The following IFFO2 variants were observed in gnomAD, a reference collection of about 807,000 sequenced individuals.
The protein encoded by IFFO2 is intermediate filament family orphan 2.
IFFO2 carries 19 observed loss-of-function variants against 53.5 expected under a neutral mutation model. The observed-to-expected ratio is 0.36, with a 90% CI of 0.25 to 0.52. IFFO2 has a LOEUF of 0.52. Ranked by LOEUF, IFFO2 falls within the 20% of genes least tolerant of loss-of-function variation. The probability of loss-of-function intolerance (pLI) is 0.94; values close to 1 mark genes in which losing one functional copy is unlikely to be tolerated. For synonymous variants in IFFO2, 303 were observed against 313.6 expected (o/e 0.97, Z 0.36); for missense variants, 570 against 727.4 (o/e 0.78, Z 2.49).
intron 1 of IFFO2, among the ~76,000 whole-genome samples, chr1:18,929,523 G>C (rs1050054881): frequency 6.6e-6 from 1 of 152,150 alleles, no homozygotes; most frequent in Admixed American, 6.5e-5. Context: ...CGCCAGGCAG[G>C]GGGGATGAGC....
At chr1:18,926,001 TTGGTTGGA>T (rs1557643267) in intron 1 of IFFO2, among the ~76,000 whole-genome samples, 7 of 11,550 alleles carry the variant, frequency 6.1e-4, no homozygotes, top group South Asian at 2.4e-3. Context: ...GATGGATGGA[TTGGTTGGA>T]TGGATGGATG....
At chr1:18,952,250 G>GCGGCTTCAGCGACCACATTTCCCA (rs1936668431) in intron 1 of IFFO2, among the ~76,000 whole-genome samples, 2 of 152,058 alleles carry the variant, frequency 1.3e-5, no homozygotes, top group South Asian at 4.2e-4. Context: ...CGTCCTCATT[G>GCGGCTTCAGCGACCACATTTCCCA]CGGCTTCAGC....
intron 1 of IFFO2, among the ~76,000 whole-genome samples, chr1:18,927,589 G>C (rs1053686905): frequency 6.6e-6 from 1 of 152,246 alleles, no homozygotes; most frequent in South Asian, 2.1e-4. Flanking sequence ...GCTCTGCGCT[G>C]CCCTAGCTCC....
rs1936135477 is a variant in IFFO2, at chr1:18,916,553, C to T, written c.1103+350G>A. On this transcript the variant is annotated intron_variant, in intron 5 of 8. Coordinates refer to ENST00000455833, the MANE Select transcript of IFFO2 (RefSeq NM_001136265.2). The surrounding 1 kb of genome is among the most constrained non-coding windows in gnomAD (Gnocchi z 4.3). ...GGCCAAGGCAGAAGCATCGCTTGAG[C>T]TCAGGAATTTGAGACCAGCCTGGGC... 1.3e-5 allele frequency among the ~76,000 whole-genome samples: 2 copies of T among 152,166 alleles called. No homozygotes were observed. The highest frequency in any genetic ancestry group is 4.8e-5 in the African/African-American group (2 of 41,430).
intron 5 of IFFO2, among the ~76,000 whole-genome samples, 156 bp from the exon 6 acceptor site, chr1:18,912,239 T>C (rs2100642139): frequency 6.6e-6 from 1 of 152,164 alleles, no homozygotes; most frequent in East Asian, 1.9e-4. Context: ...ATTCGCCTTA[T>C]CCAAAAGGAG....
At chr1:18,935,863 T>A (rs1936441659) in intron 1 of IFFO2, among the ~76,000 whole-genome samples, 1 of 137,404 alleles carries the variant, frequency 7.3e-6, no homozygotes, top group African/African-American at 2.8e-5. Flanking sequence ...CTAATTTTTC[T>A]ATTTTTTTTT....
At chr1:18,926,103 TTGGTTGG>T (rs1193176273) in intron 1 of IFFO2, among the ~76,000 whole-genome samples, 1 of 44,930 alleles carries the variant, frequency 2.2e-5, no homozygotes, top group African/African-American at 1.3e-4. Context: ...GATGGATGGA[TTGGTTGG>T]ATGGATAGAT....
rs1259371253 is a variant in IFFO2 at position 18,911,460 on chromosome 1, C to T, written c.1241G>A (p.Gly414Asp). The stretch of plus-strand genomic sequence containing the variant: ...GGATTCGGTCTCATGGATCAAGTTG[C>T]CCAAGTTTTCCTCTTGCTGGGGAAA... ...DLQGEQEENLGNLIHETESFF... is the reference protein window; with the variant it reads ...DLQGEQEENLDNLIHETESFF... The change falls in exon 7 of 9, where the codon GGC (glycine) becomes GAC (aspartate). Residue 414 changes from glycine to aspartate, a missense_variant. Gly to Asp is a moderately conservative substitution (Grantham distance 94, BLOSUM62 -1). Coordinates refer to ENST00000455833, the MANE Select transcript of IFFO2 (RefSeq NM_001136265.2). 4.6e-6 allele frequency: 7 copies of T among 1,506,354 alleles called. No homozygotes were observed. Among genetic ancestry groups the T allele is most frequent in the Non-Finnish European group, 6.2e-6 (7 of 1,126,524 alleles). The allele number at this position is 1,506,354 out of a possible 1,614,324, so 93.3% of individuals were successfully genotyped here. A position where few individuals can be genotyped will look rare whatever the true frequency, so the allele number is the denominator to read the frequency against.
intron 1 of IFFO2, among the ~76,000 whole-genome samples, chr1:18,938,117 G>A (rs1220337468): frequency 6.6e-6 from 1 of 152,250 alleles, no homozygotes; most frequent in Non-Finnish European, 1.5e-5. Context: ...AAAACACTTT[G>A]ACGTCAGGCA....
Position 18,911,943 on chromosome 1 carries a change from AAGCC to A in IFFO2, c.1224+16_1224+19del. The A allele has an allele frequency of 5.8e-6, 9 of 1,551,348 alleles. No homozygotes were observed. Among genetic ancestry groups the A allele is most frequent in the Non-Finnish European group, 7.8e-6 (9 of 1,146,834 alleles). ...CAGACCCCTAGTCCTGGCCTTTGGGAAGCCAGGCGCTGGGCTTACCTCGCCCTGC... is the reference window on the plus strand; with the variant it reads ...CAGACCCCTAGTCCTGGCCTTTGGGAAGGCGCTGGGCTTACCTCGCCCTGC... On this transcript the variant is annotated intron_variant, in intron 6 of 8. Transcript: ENST00000455833.
At chr1:18,935,439 C>T (rs533411205) in intron 1 of IFFO2, among the ~76,000 whole-genome samples, 9 of 152,204 alleles carry the variant, frequency 5.9e-5, no homozygotes, top group African/African-American at 2.2e-4. Context: ...TCCATCACAC[C>T]TCCAAGGCAT....
intron 8 of IFFO2, among the ~76,000 whole-genome samples, chr1:18,909,721 G>C (rs1161015078): frequency 6.6e-6 from 1 of 152,184 alleles, no homozygotes; most frequent in African/African-American, 2.4e-5. Flanking sequence ...ATGTGGAACG[G>C]TGAGTCAACG....
At chr1:18,941,127 C>T (rs1234432604) in intron 1 of IFFO2, among the ~76,000 whole-genome samples, 2 of 152,248 alleles carry the variant, frequency 1.3e-5, no homozygotes, top group Non-Finnish European at 2.9e-5. Flanking sequence ...AATGGACATA[C>T]CCACAGCCAC....
intron 1 of IFFO2, among the ~76,000 whole-genome samples, chr1:18,944,941 G>C (rs1438853006): frequency 1.3e-5 from 2 of 152,200 alleles, no homozygotes; most frequent in Non-Finnish European, 2.9e-5. Flanking sequence ...GGAGGGAGGA[G>C]GGGACAAGAC....
intron 1 of IFFO2, among the ~76,000 whole-genome samples, chr1:18,926,729 C>G (rs74961445): frequency 6.6e-6 from 1 of 152,034 alleles, no homozygotes; most frequent in Non-Finnish European, 1.5e-5. Context: ...GTGCCTCCCC[C>G]TCTCCCGTCA....
Position 18,908,499 on chromosome 1 carries a change from CCCATGAGGAGAG to C in IFFO2, c.*50_*61del. 1 of 1,250,524 alleles carries C rather than the reference CCCATGAGGAGAG, an allele frequency of 8.0e-7. No homozygotes were observed. Among genetic ancestry groups the C allele is most frequent in the Non-Finnish European group, 1.1e-6 (1 of 873,340 alleles). 77.5% of individuals were successfully genotyped at this position (1,250,524 alleles called of 1,614,324 possible). ...CCCCACTCCGAGGGGCCTTCCTGGC[CCCATGAGGAGAG>C]GTGGCAGGGCCCCATCACCAAGACC... On this transcript the variant is annotated 3_prime_UTR_variant, in exon 9 of 9. Coordinates refer to ENST00000455833, the MANE Select transcript of IFFO2 (RefSeq NM_001136265.2).
intron 1 of IFFO2, among the ~76,000 whole-genome samples, chr1:18,926,763 CAGGAA>C (rs1188780798): frequency 6.6e-6 from 1 of 151,914 alleles, no homozygotes; most frequent in African/African-American, 2.4e-5. Context: ...CACAGACCCG[CAGGAA>C]AGGGACCGAC....
In IFFO2 at chr1:18,918,573, G is replaced by A. The variant is rs1408283596; in HGVS notation, c.823-71C>T. 1.3e-6 allele frequency: 2 copies of A among 1,504,654 alleles called. No homozygotes were observed. The highest frequency in any genetic ancestry group is 2.8e-5 in the African/African-American group (2 of 72,060). The allele number at this position is 1,504,654 out of a possible 1,614,324, so 93.2% of individuals were successfully genotyped here. A position where few individuals can be genotyped will look rare whatever the true frequency, so the allele number is the denominator to read the frequency against. The stretch of plus-strand genomic sequence containing the variant: ...GCCTGGGGGGCTTGGCAGAGAGGTG[G>A]GGAGACCCCTAGGTGTCAGCAGGGG... On this transcript the variant is annotated intron_variant, in intron 3 of 8. Transcript: ENST00000455833. This position sits in a 1 kb window ranked among gnomAD's most constrained non-coding sequence, Gnocchi z 5.2.
In IFFO2 at chr1:18,908,743, G is replaced by A. The variant is rs542664377; in HGVS notation, c.1449-77C>T. The A allele has an allele frequency of 3.4e-3, 3,440 of 1,009,246 alleles. 14 individuals carry two copies. Among genetic ancestry groups the A allele is most frequent in the Non-Finnish European group, 4.6e-3 (2,983 of 655,104 alleles). 62.5% of individuals were successfully genotyped at this position (1,009,246 alleles called of 1,614,324 possible). On this transcript the variant is annotated intron_variant, in intron 8 of 8. Coordinates refer to ENST00000455833, the MANE Select transcript of IFFO2 (RefSeq NM_001136265.2). ...AAGGGTCAAGGAGTGGGAAGGCTGA[G>A]CTGCCACTTCTATAAGATCTACTCT...
Sources: allele counts gnomAD v4.1 joint callset (sites outside exome capture counted in the v4.1 genomes callset), GRCh38; gene constraint gnomAD v4.1.1; non-coding constraint Gnocchi (gnomAD v3.1); transcripts MANE v1.5; gene names NCBI Gene and HGNC (gene_info 2026-07-23, HGNC 2026-07-21).